The following GBX1 variants were observed in gnomAD, a reference collection of about 807,000 sequenced individuals.
GBX1 encodes the protein gastrulation brain homeobox 1.
In GBX1, 9 loss-of-function variants were observed where a neutral mutation model predicts 22.9. The ratio of observed to expected loss-of-function variants is 0.39; its 90% CI spans 0.24 to 0.69. GBX1 has a LOEUF of 0.69. Ranked by LOEUF, GBX1 falls within the 30% of genes least tolerant of loss-of-function variation. The pLI is 0.43. For synonymous variants in GBX1, 203 were observed against 227.3 expected (o/e 0.89, Z 0.96); for missense variants, 494 against 509.2 (o/e 0.97, Z 0.29).
chr7:151,149,178 G>A, intron 1 of GBX1, 36 bp from the exon 2 acceptor site: 1 of 1,564,930 alleles, frequency 6.4e-7, no homozygotes, highest in Admixed American at 1.8e-5. Context: ...TGGGGAGGGA[G>A]AAGCAAGAAA....
At chr7:151,156,081 A>G (rs1303940755) in intron 1 of GBX1, among the ~76,000 whole-genome samples, 1 of 152,120 alleles carries the variant, frequency 6.6e-6, no homozygotes, top group African/African-American at 2.4e-5. Context: ...ATCAAATCCA[A>G]GTTTAGATCT....
intron 1 of GBX1, among the ~76,000 whole-genome samples, chr7:151,150,519 T>C (rs1801065050): frequency 6.6e-6 from 1 of 152,096 alleles, no homozygotes; most frequent in African/African-American, 2.4e-5. Context: ...CCAAGTAAAC[T>C]AAATTCAGGG....
chr7:151,154,322 C>T (rs1335615887), intron 1 of GBX1, among the ~76,000 whole-genome samples: 1 of 151,952 alleles, frequency 6.6e-6, no homozygotes, highest in African/African-American at 2.4e-5. Flanking sequence ...TGTTGGTTTG[C>T]ATGAAAAAAA....
Position 151,148,875 on chromosome 7 carries a change from G to A in GBX1, c.806C>T (p.Thr269Ile). The change falls in exon 2 of 2, where the codon ACC (threonine) becomes ATC (isoleucine). Residue 269 changes from threonine (T) to isoleucine (I), a missense_variant. Thr to Ile is a moderately conservative substitution (Grantham distance 89, BLOSUM62 -1). This residue lies in a region of GBX1 where 124 missense variants were observed against 152.0 expected (regional missense o/e 0.82). Coordinates refer to ENST00000297537, the MANE Select transcript of GBX1 (RefSeq NM_001098834.3). This position sits in a 1 kb window ranked among gnomAD's most constrained non-coding sequence, Gnocchi z 5.1. Reference protein sequence around the residue: ...GKSRRRRTAFTSEQLLELEKE... With the variant: ...GKSRRRRTAFISEQLLELEKE... ...CTCCAATTCCAAAAGCTGCTCGCTG[G>A]TAAATGCTGTGCGGCGCCGTCGGCT... The A allele has an allele frequency of 6.2e-7, 1 of 1,614,186 alleles. No homozygotes were observed. The highest frequency in any genetic ancestry group is 8.5e-7 in the Non-Finnish European group (1 of 1,180,040).
intron 1 of GBX1, among the ~76,000 whole-genome samples, chr7:151,160,442 T>A (rs1030071669): frequency 6.6e-5 from 10 of 152,236 alleles, no homozygotes; most frequent in Non-Finnish European, 1.3e-4. Context: ...AGTCAAGACA[T>A]CTGCCTCCCA....
intron 1 of GBX1, among the ~76,000 whole-genome samples, chr7:151,149,367 G>T (rs1229016112): frequency 6.6e-6 from 1 of 152,142 alleles, no homozygotes; most frequent in Non-Finnish European, 1.5e-5. Context: ...TGGGAAGAAA[G>T]GTATTAACCA....
chr7:151,167,442 G>C lies in GBX1; in HGVS notation c.107C>G (p.Pro36Arg). ...GGTGTACAGCAAGTGGCCGGAGCGC[G>C]GCGGCGGCGGCCCGATTAGGGAGTC... ...SIDSLIGPPP[P>R]RSGHLLYTGY... The change falls in exon 1 of 2, where the codon CCG becomes CGG. Residue 36 changes from proline to arginine, a missense_variant. Pro to Arg is a moderately radical substitution (Grantham distance 103, BLOSUM62 -2). Coordinates refer to ENST00000297537, the MANE Select transcript of GBX1 (RefSeq NM_001098834.3). The surrounding 1 kb of genome is among the most constrained non-coding windows in gnomAD (Gnocchi z 5.9). 1 of 1,509,352 alleles carries C rather than the reference G, an allele frequency of 6.6e-7. No homozygotes were observed. The highest frequency in any genetic ancestry group is 8.8e-7 in the Non-Finnish European group (1 of 1,132,144). 93.5% of individuals were successfully genotyped at this position (1,509,352 alleles called of 1,614,324 possible). A position where few individuals can be genotyped will look rare whatever the true frequency, so the allele number is the denominator to read the frequency against.
chr7:151,150,132 TG>T, intron 1 of GBX1: 1 of 319,138 alleles, frequency 3.1e-6, no homozygotes, highest in Non-Finnish European at 6.2e-6. Context: ...ACTGATTATT[TG>T]TAATCACAAG....
At chr7:151,161,348 A>G (rs1801186368) in intron 1 of GBX1, among the ~76,000 whole-genome samples, 2 of 152,132 alleles carry the variant, frequency 1.3e-5, no homozygotes, top group East Asian at 1.9e-4. Flanking sequence ...CTCTCTGCCA[A>G]CCCCTGAAGG....
At chr7:151,157,424 G>A (rs982857839) in intron 1 of GBX1, among the ~76,000 whole-genome samples, 15 of 152,186 alleles carry the variant, frequency 9.9e-5, no homozygotes, top group African/African-American at 3.6e-4. Flanking sequence ...CTCACTGAGC[G>A]ATGGAAATTT....
chr7:151,153,110 CA>C, intron 1 of GBX1, among the ~76,000 whole-genome samples: 2 of 151,494 alleles, frequency 1.3e-5, no homozygotes, highest in African/African-American at 4.8e-5. Context: ...AGAGAAATAG[CA>C]GAAAAATTAA....
intron 1 of GBX1, among the ~76,000 whole-genome samples, chr7:151,162,159 G>A (rs924486064): frequency 6.6e-6 from 1 of 152,138 alleles, no homozygotes; most frequent in African/African-American, 2.4e-5. Context: ...AAATGTCAAT[G>A]CAGCAATCAC....
chr7:151,158,786 C>A (rs1019691289), intron 1 of GBX1, among the ~76,000 whole-genome samples: 1 of 152,150 alleles, frequency 6.6e-6, no homozygotes, highest in Non-Finnish European at 1.5e-5. Context: ...ACTTAATTCC[C>A]AGGAAAGCGC....
intron 1 of GBX1, among the ~76,000 whole-genome samples, chr7:151,152,077 A>G (rs6464132): frequency 0.45 from 67,723 of 152,126 alleles, 16,859 homozygotes; most frequent in African/African-American, 0.68. Flanking sequence ...GCTTCGTGAA[A>G]GTAGGTATTC....
chr7:151,157,892 C>T (rs1801153409), intron 1 of GBX1, among the ~76,000 whole-genome samples: 1 of 152,150 alleles, frequency 6.6e-6, no homozygotes, highest in African/African-American at 2.4e-5. Flanking sequence ...GGTCCTATAA[C>T]CTGGGATTAT....
At chr7:151,165,662 T>C (rs1277710840) in intron 1 of GBX1, among the ~76,000 whole-genome samples, 1 of 152,164 alleles carries the variant, frequency 6.6e-6, no homozygotes, top group Non-Finnish European at 1.5e-5. Context: ...TATTCTGACT[T>C]CAGTTACTGG....
At chr7:151,161,157 C>T (rs913407106) in intron 1 of GBX1, among the ~76,000 whole-genome samples, 1 of 152,306 alleles carries the variant, frequency 6.6e-6, no homozygotes, top group East Asian at 1.9e-4. Flanking sequence ...GCACTTTGCT[C>T]ACAATGCATG....
Position 151,148,599 on chromosome 7 carries a change from G to T in GBX1, c.1082C>A (p.Ala361Asp), listed in dbSNP as rs778703161. The change falls in exon 2 of 2, where the codon GCC becomes GAC. Residue 361 changes from alanine (A) to aspartate (D), a missense_variant. Coordinates refer to ENST00000297537, the MANE Select transcript of GBX1 (RefSeq NM_001098834.3). The surrounding 1 kb of genome is among the most constrained non-coding windows in gnomAD (Gnocchi z 5.1). ...TTCTTGGGTGCCCATTCAGGGCCGG[G>T]CCCCCTGCTCCATTTGTTGGTGCTG... is the stretch of plus-strand genomic sequence containing the variant. The part of the protein sequence containing the change: ...RSQHQQMEQG[A>D]RP The T allele has an allele frequency of 6.2e-7, 1 of 1,612,844 alleles. No individual in the cohort carries two copies.
Position 151,167,133 on chromosome 7 carries a change from G to A in GBX1, c.416C>T (p.Pro139Leu). The A allele has an allele frequency of 6.2e-7, 1 of 1,603,424 alleles. No individual in the cohort carries two copies. Among genetic ancestry groups the A allele is most frequent in the South Asian group, 1.1e-5 (1 of 89,972 alleles). Reference sequence around the variant, plus strand: ...CCCACCCTCTGGGCGTCGGCCGCCTGGCTCGGGGTTGTTTCGGGCGGCAGT... The same window carrying A: ...CCCACCCTCTGGGCGTCGGCCGCCTAGCTCGGGGTTGTTTCGGGCGGCAGT... ...AATAARNNPE[P>L]GGRRPEGGLE... The change falls in exon 1 of 2, where the codon CCA becomes CTA. Residue 139 changes from proline (P) to leucine (L), a missense_variant. By Grantham distance (98) the Pro-to-Leu change is moderately conservative. Coordinates refer to ENST00000297537, the MANE Select transcript of GBX1 (RefSeq NM_001098834.3). The surrounding 1 kb of genome is among the most constrained non-coding windows in gnomAD (Gnocchi z 5.9).
Sources: allele counts gnomAD v4.1 joint callset (sites outside exome capture counted in the v4.1 genomes callset), GRCh38; gene constraint gnomAD v4.1.1; regional missense constraint gnomAD v4.1.1; non-coding constraint Gnocchi (gnomAD v3.1); transcripts MANE v1.5; gene names NCBI Gene and HGNC (gene_info 2026-07-23, HGNC 2026-07-21).